Variants in SPAG9 observed in about 807,000 individuals in gnomAD.
SPAG9 encodes the protein C-Jun-amino-terminal kinase-interacting protein 4.
In SPAG9, 35 loss-of-function variants were observed where a neutral mutation model predicts 166.5. The ratio of observed to expected loss-of-function variants is 0.21; its 90% CI spans 0.16 to 0.28. SPAG9 has a LOEUF of 0.28. Among genes scored for constraint, SPAG9 ranks in the 10% least tolerant of loss-of-function variants. SPAG9 has a pLI of 1.00. For missense variants in SPAG9, 1,235 were observed against 1,603.3 expected (o/e 0.77, Z 3.92); for synonymous variants, 534 against 565.5 (o/e 0.94, Z 0.79).
At chr17:51,094,629 C>T (rs2048561171) in intron 1 of SPAG9, among the ~76,000 whole-genome samples, 1 of 152,152 alleles carries the variant, frequency 6.6e-6, no homozygotes, top group African/African-American at 2.4e-5. Context: ...GAAGGAATAA[C>T]TGGATTGAAA....
chr17:51,101,345 CAAAAAAAAAA>C (rs60896400), intron 1 of SPAG9, among the ~76,000 whole-genome samples: 5 of 91,996 alleles, frequency 5.4e-5, no homozygotes, highest in African/African-American at 1.5e-4. Context: ...GATTCTGTCT[CAAAAAAAAAA>C]AAAAAAAAAA....
At chr17:50,993,715 A>G in intron 19 of SPAG9, 49 bp downstream of exon 19, 1 of 1,577,942 alleles carries the variant, frequency 6.3e-7, no homozygotes, top group Non-Finnish European at 8.7e-7. Flanking sequence ...AGTGCCCAGC[A>G]GGTAGGTGGA....
intron 1 of SPAG9, among the ~76,000 whole-genome samples, chr17:51,088,892 A>C (rs2048370969): frequency 6.7e-6 from 1 of 149,104 alleles, no homozygotes; most frequent in African/African-American, 2.5e-5. Context: ...CAAGAGATGG[A>C]GACCACTCTG....
chr17:51,021,045 C>T (rs2045919414), intron 7 of SPAG9, 113 bp downstream of exon 7: 1 of 858,178 alleles, frequency 1.2e-6, no homozygotes, highest in African/African-American at 1.7e-5. Context: ...ACTATATCTG[C>T]CTATTTTATA....
intron 1 of SPAG9, among the ~76,000 whole-genome samples, chr17:51,105,731 A>G (rs1432397914): frequency 6.6e-6 from 1 of 151,824 alleles, no homozygotes; most frequent in Non-Finnish European, 1.5e-5. Flanking sequence ...TTAGCTGGGC[A>G]TGGTGGCGGG....
intron 10 of SPAG9, among the ~76,000 whole-genome samples, chr17:51,006,956 G>A (rs1420866294): frequency 1.3e-5 from 2 of 151,970 alleles, no homozygotes; most frequent in African/African-American, 4.8e-5. Flanking sequence ...TGTTAAGGGA[G>A]GGAGCAAAAA....
At chr17:51,114,193 G>C (rs1405778783) in intron 1 of SPAG9, among the ~76,000 whole-genome samples, 1 of 152,022 alleles carries the variant, frequency 6.6e-6, no homozygotes, top group Non-Finnish European at 1.5e-5. Flanking sequence ...GGGCGTGCTG[G>C]CGCGTGCCTG....
chr17:51,053,039 C>A (rs892102397), intron 3 of SPAG9, among the ~76,000 whole-genome samples: 1 of 151,380 alleles, frequency 6.6e-6, no homozygotes, highest in African/African-American at 2.4e-5. Flanking sequence ...CAGAGCAAGA[C>A]CCCATCTCAA....
chr17:51,060,849 T>TG (rs977448362), intron 2 of SPAG9, among the ~76,000 whole-genome samples: 1 of 149,042 alleles, frequency 6.7e-6, no homozygotes, highest in African/African-American at 2.5e-5. Flanking sequence ...TTTTTTTTGT[T>TG]TTTTTTTTTT....
chr17:51,037,442 G>A (rs1184946102), intron 5 of SPAG9, among the ~76,000 whole-genome samples: 2 of 151,242 alleles, frequency 1.3e-5, no homozygotes, highest in Non-Finnish European at 1.5e-5. Flanking sequence ...GCAAAACCTC[G>A]TCTCTACTAA....
At chr17:51,066,554 CAAAAAAAAAAAAGA>C (rs2047672166) in intron 2 of SPAG9, among the ~76,000 whole-genome samples, 1 of 21,340 alleles carries the variant, frequency 4.7e-5, no homozygotes, top group East Asian at 1.2e-3. Context: ...GACTCTGTCT[CAAAAAAAAAAAAGA>C]AAAAAAAAAA....
chr17:50,983,425 A>C (rs1327681205), intron 24 of SPAG9, among the ~76,000 whole-genome samples: 1 of 151,990 alleles, frequency 6.6e-6, no homozygotes, highest in Non-Finnish European at 1.5e-5. Context: ...CTTCATCCTA[A>C]CTCTGTTTTG....
chr17:51,051,983 T>C (rs1258432412), intron 3 of SPAG9, among the ~76,000 whole-genome samples: 1 of 152,214 alleles, frequency 6.6e-6, no homozygotes, highest in Non-Finnish European at 1.5e-5. Context: ...TTGTCCTTTA[T>C]ATTTCTTCCA....
At chr17:51,021,517 C>G (rs1032526107) in intron 6 of SPAG9, 152 bp from the exon 7 acceptor site, 1 of 551,278 alleles carries the variant, frequency 1.8e-6, no homozygotes, top group African/African-American at 1.9e-5. Flanking sequence ...GGTAAGTACT[C>G]TCTTTAGACC....
At position 51,056,397 on chromosome 17, in the gene SPAG9, A is replaced by C; in HGVS notation, c.495+15T>G. 6.6e-7 allele frequency: 1 copy of C among 1,512,040 alleles called. No homozygotes were observed. Among genetic ancestry groups the C allele is most frequent in the African/African-American group, 1.4e-5 (1 of 72,910 alleles). 93.7% of individuals were successfully genotyped at this position (1,512,040 alleles called of 1,614,324 possible). A position where few individuals can be genotyped will look rare whatever the true frequency, so the allele number is the denominator to read the frequency against. On this transcript the variant is annotated intron_variant, in intron 3 of 29. Transcript: ENST00000262013. Reference sequence around the variant, plus strand: ...TCTCAATAATAGCATGGTAATGAAAAACCTAGAAACCCACCTCAGTGTGTC... The same window carrying C: ...TCTCAATAATAGCATGGTAATGAAACACCTAGAAACCCACCTCAGTGTGTC...
chr17:51,046,719 G>C, intron 4 of SPAG9: 2 of 1,535,836 alleles, frequency 1.3e-6, no homozygotes, highest in South Asian at 2.4e-5. Flanking sequence ...GGGGCCAAAG[G>C]GGTATCTTTG....
At chr17:51,081,186 A>G (rs2048153067) in intron 1 of SPAG9, among the ~76,000 whole-genome samples, 1 of 152,162 alleles carries the variant, frequency 6.6e-6, no homozygotes. Context: ...TAGTCTTCTT[A>G]CTTCCACCCT....
At position 50,990,668 on chromosome 17, in the gene SPAG9, C is replaced by T; in HGVS notation, c.2399G>A (p.Gly800Asp). ...SHVLCIASVP[G>D]ARETDYPAGE... is the part of the protein sequence containing the mutation. ...TGCAGGGTAGTCTGTTTCTCGTGCA[C>T]CTGAAAAATAAATCTTCTTGTAACA... The change falls in exon 20 of 30, where the codon GGT becomes GAT. Residue 800 changes from glycine to aspartate, a missense_variant and splice_region_variant. Transcript: ENST00000262013. The T allele has an allele frequency of 6.2e-7, 1 of 1,612,786 alleles. No individual in the cohort carries two copies.
At chr17:51,054,346 C>T (rs2144508812) in intron 3 of SPAG9, among the ~76,000 whole-genome samples, 1 of 151,846 alleles carries the variant, frequency 6.6e-6, no homozygotes, top group African/African-American at 2.4e-5. Flanking sequence ...TGGTCTCAAA[C>T]TCCTGGGCTT....
Sources: gnomAD v4.1 joint callset for allele counts (sites outside exome capture counted in the v4.1 genomes callset) on GRCh38, gnomAD v4.1.1 for gene constraint, MANE v1.5 for transcripts, NCBI Gene and HGNC (gene_info 2026-07-23, HGNC 2026-07-21) for gene names.